The following KIF26B variants were observed in gnomAD, a reference collection of about 807,000 sequenced individuals.
KIF26B encodes kinesin family member 26B.
KIF26B carries 63 observed loss-of-function variants against 151.2 expected under a neutral mutation model. The observed-to-expected ratio is 0.42, with a 90% CI of 0.34 to 0.51. The LOEUF (loss-of-function observed/expected upper bound fraction) is 0.51, where lower values mean the gene tolerates loss of function less well. KIF26B is among the 20% of genes least tolerant of loss of function. The pLI, the probability that KIF26B is intolerant of heterozygous loss-of-function variation, is 0.07. For missense variants in KIF26B, 2,813 were observed against 2,913.6 expected, an observed-to-expected ratio of 0.97 and a Z score of 0.79; for synonymous variants, 1,357 against 1,262.1, an observed-to-expected ratio of 1.08 and a Z score of -1.59.
intron 2 of KIF26B, among the ~76,000 whole-genome samples, chr1:245,231,387 G>C (rs1320281162): frequency 1.3e-5 from 2 of 151,986 alleles, no homozygotes; most frequent in Middle Eastern, 6.3e-3. Context: ...GTGGTGGCAG[G>C]CACGTGTAAT....
rs147497208 is a variant in KIF26B, at chr1:245,449,848, G to A, written c.1166+30103G>A. Among the ~76,000 whole-genome samples, 634 of 152,288 alleles carry A rather than the reference G, an allele frequency of 4.2e-3. 6 individuals are homozygous for A. The highest frequency in any genetic ancestry group is 0.015 in the African/African-American group (617 of 41,542). On this transcript the variant is annotated intron_variant, in intron 4 of 14. Transcript: ENST00000407071. ...AATTTTAAATGACAGTTTGTCCCAA[G>A]GACATCGTCATACTGTGTGCTTTTT...
At position 245,560,834 on chromosome 1, in the gene KIF26B, C is replaced by T. The variant is rs1389313864; in HGVS notation, c.1350+19884C>T. On this transcript the variant is annotated intron_variant, in intron 5 of 14. Coordinates refer to ENST00000407071, the MANE Select transcript of KIF26B (RefSeq NM_018012.4). This position sits in a 1 kb window ranked among gnomAD's most constrained non-coding sequence, Gnocchi z 4.3. ...CCCCACAGCACAGGGACAGCCTCCG[C>T]AGACTCCCGTGTGTGTGCTCTGGAG... 1.3e-5 allele frequency among the ~76,000 whole-genome samples: 2 copies of T among 152,210 alleles called. No individual in the cohort carries two copies. The highest frequency in any genetic ancestry group is 4.8e-5 in the African/African-American group (2 of 41,450).
rs754464048 is a variant in KIF26B at position 245,557,041 on chromosome 1, G to T, written c.1350+16091G>T. ...GAACATCTGTCTCCATCTGTGCCAG[G>T]TGCTAACTTCCTGTGTCGCCCAGGA... On this transcript the variant is annotated intron_variant, in intron 5 of 14. Transcript: ENST00000407071. 7.9e-4 allele frequency among the ~76,000 whole-genome samples: 120 copies of T among 152,248 alleles called. 1 individual carries two copies. The highest frequency in any genetic ancestry group is 1.4e-3 in the Non-Finnish European group (97 of 68,022).
intron 4 of KIF26B, among the ~76,000 whole-genome samples, chr1:245,487,992 C>T (rs10754453): frequency 1 from 151,560 of 152,210 alleles, 75,459 homozygotes; most frequent in Middle Eastern, 1. Flanking sequence ...TTCTCCAAGT[C>T]GGCCACGTTG....
intron 9 of KIF26B, among the ~76,000 whole-genome samples, chr1:245,629,090 A>G (rs898926914): frequency 4.6e-5 from 7 of 152,224 alleles, no homozygotes; most frequent in African/African-American, 1.7e-4. Context: ...GCTCAAGGAA[A>G]TAAGAGAGGA....
chr1:245,452,420 T>G (rs1659417333), intron 4 of KIF26B, among the ~76,000 whole-genome samples: 1 of 152,222 alleles, frequency 6.6e-6, no homozygotes, highest in Non-Finnish European at 1.5e-5. Flanking sequence ...CAAATATCTC[T>G]TTGAGTCTCT....
In KIF26B at chr1:245,688,401, G is replaced by A. The variant is rs1382801880; in HGVS notation, c.5418G>A (p.Gly1806=). 4.6e-6 allele frequency: 7 copies of A among 1,512,062 alleles called. No individual in the cohort carries two copies. In the East Asian group the frequency reaches 1.6e-4, roughly 34 times the overall value. 93.7% of individuals were successfully genotyped at this position (1,512,062 alleles called of 1,614,324 possible). The change falls in exon 12 of 15, where the codon GGG becomes GGA. Residue 1806 remains glycine, a synonymous_variant. Coordinates refer to ENST00000407071, the MANE Select transcript of KIF26B (RefSeq NM_018012.4). The stretch of plus-strand genomic sequence containing the variant: ...AGCTTCCCCTGCGGGCCGTCAGCGG[G>A]CGCATCTCGGAGCTGCTGCAGGGTG... The part of the protein sequence containing the change: ...ASKLPLRAVS[G]RISELLQGGA...
intron 3 of KIF26B, among the ~76,000 whole-genome samples, chr1:245,372,426 G>T (rs1167993159): frequency 2.6e-5 from 4 of 152,138 alleles, no homozygotes; most frequent in Non-Finnish European, 4.4e-5. Context: ...TGGGTAAATT[G>T]TGTGTCACTG....
intron 2 of KIF26B, among the ~76,000 whole-genome samples, chr1:245,207,984 C>G (rs761804068): frequency 6.6e-6 from 1 of 152,196 alleles, no homozygotes; most frequent in Admixed American, 6.5e-5. Context: ...TGGAAGCCCC[C>G]GCGGAGGTGG....
intron 3 of KIF26B, among the ~76,000 whole-genome samples, chr1:245,406,312 C>T (rs1035332097): frequency 6.6e-6 from 1 of 152,184 alleles, no homozygotes; most frequent in Admixed American, 6.5e-5. Flanking sequence ...TGATGCCTGA[C>T]ACACCCTTTG....
intron 4 of KIF26B, among the ~76,000 whole-genome samples, chr1:245,424,480 A>T (rs1159989656): frequency 6.6e-6 from 1 of 152,178 alleles, no homozygotes; most frequent in Non-Finnish European, 1.5e-5. Flanking sequence ...GTTTTGAAAT[A>T]TGTACATATT....
rs1396826116 is a variant in KIF26B, at chr1:245,227,264, A to G, written c.465+70581A>G. ...ATTTGCTTACCTGGAAGGTCCAGAA[A>G]GAAATTCCCCTTCCTTCCACAGCCA... On this transcript the variant is annotated intron_variant, in intron 2 of 14. Coordinates refer to ENST00000407071, the MANE Select transcript of KIF26B (RefSeq NM_018012.4). The surrounding 1 kb of genome is among the most constrained non-coding windows in gnomAD (Gnocchi z 4.1). Among the ~76,000 whole-genome samples, 2 of 152,238 alleles carry G rather than the reference A, an allele frequency of 1.3e-5. No individual in the cohort carries two copies. The highest frequency in any genetic ancestry group is 4.8e-5 in the African/African-American group (2 of 41,460).
intron 9 of KIF26B, among the ~76,000 whole-genome samples, chr1:245,622,821 G>T (rs796498245): frequency 1.3e-5 from 2 of 152,188 alleles, no homozygotes; most frequent in African/African-American, 2.4e-5. Context: ...GGATTGAGGC[G>T]GGGGGAAGGG....
At chr1:245,497,389 G>T (rs1190225611) in intron 4 of KIF26B, among the ~76,000 whole-genome samples, 2 of 152,036 alleles carry the variant, frequency 1.3e-5, no homozygotes, top group East Asian at 1.9e-4. Context: ...CCATATGTTG[G>T]CTCATAAAGC....
chr1:245,434,846 C>T (rs889601039), intron 4 of KIF26B, among the ~76,000 whole-genome samples: 1 of 152,176 alleles, frequency 6.6e-6, no homozygotes, highest in Non-Finnish European at 1.5e-5. Context: ...CTTCCCTTCT[C>T]CCTTCCTCAC....
At chr1:245,500,405 C>A (rs1660596856) in intron 4 of KIF26B, among the ~76,000 whole-genome samples, 1 of 152,222 alleles carries the variant, frequency 6.6e-6, no homozygotes, top group African/African-American at 2.4e-5. Flanking sequence ...TTCTTCAACA[C>A]ACATTCCAAG....
intron 2 of KIF26B, among the ~76,000 whole-genome samples, chr1:245,343,435 T>A (rs2102996898): frequency 6.6e-6 from 1 of 152,162 alleles, no homozygotes; most frequent in South Asian, 2.1e-4. Context: ...TCTGCCAGGG[T>A]AATTATTATC....
In KIF26B at chr1:245,274,300, A is replaced by G. The variant is rs567061289; in HGVS notation, c.466-92534A>G. Among the ~76,000 whole-genome samples the G allele has an allele frequency of 1.6e-4, 24 of 152,164 alleles. 1 individual carries two copies. The South Asian group carries it at 5.0e-3, about 32-fold the overall frequency. On this transcript the variant is annotated intron_variant, in intron 2 of 14. Transcript: ENST00000407071. Reference sequence around the variant, plus strand: ...GCAGGTTTGTTTCATAGGTATACACATGCCATGGTGGTTTGCTGCACCCAT... The same window carrying G: ...GCAGGTTTGTTTCATAGGTATACACGTGCCATGGTGGTTTGCTGCACCCAT...
intron 4 of KIF26B, among the ~76,000 whole-genome samples, chr1:245,480,601 G>A (rs540684617): frequency 6.6e-6 from 1 of 151,784 alleles, no homozygotes; most frequent in South Asian, 2.1e-4. Context: ...CTTTCCAAGA[G>A]TCAGAGCTGG....
Sources: gnomAD v4.1 joint callset for allele counts (sites outside exome capture counted in the v4.1 genomes callset) on GRCh38, gnomAD v4.1.1 for gene constraint, Gnocchi (gnomAD v3.1) non-coding constraint, MANE v1.5 for transcripts, NCBI Gene and HGNC (gene_info 2026-07-23, HGNC 2026-07-21) for gene names.